Variants in DCLK1 observed in about 807,000 individuals in gnomAD.
The protein encoded by DCLK1 is doublecortin like kinase 1, also known as serine/threonine-protein kinase DCLK1.
A neutral mutation model predicts 86.2 loss-of-function variants in DCLK1; 16 were observed. That is an observed-to-expected ratio of 0.19 (90% CI 0.13 to 0.28). The LOEUF is 0.28. DCLK1 is among the 10% of genes least tolerant of loss of function. The pLI is 1.00. For synonymous variants in DCLK1, 369 were observed against 370.5 expected (o/e 1.00, Z 0.05); for missense variants, 590 against 940.2 (o/e 0.63, Z 4.87).
intron 4 of DCLK1, among the ~76,000 whole-genome samples, chr13:35,874,002 T>A (rs975787469): frequency 1.1e-4 from 17 of 152,230 alleles, no homozygotes; most frequent in African/African-American, 3.9e-4. Context: ...GTTGTTGAAA[T>A]ATGTTAGCTT....
At chr13:36,033,036 G>C (rs1248335899) in intron 3 of DCLK1, among the ~76,000 whole-genome samples, 1 of 152,202 alleles carries the variant, frequency 6.6e-6, no homozygotes, top group Non-Finnish European at 1.5e-5. Context: ...CAACAGGACT[G>C]ATATACAAAA....
chr13:35,944,629 G>T (rs918276654), intron 4 of DCLK1, among the ~76,000 whole-genome samples: 2 of 152,130 alleles, frequency 1.3e-5, no homozygotes, highest in Admixed American at 1.3e-4. Context: ...TTTTCTATTT[G>T]AGCCCCTTTC....
intron 3 of DCLK1, among the ~76,000 whole-genome samples, chr13:36,031,971 A>C (rs553152590): frequency 6.6e-6 from 1 of 152,294 alleles, no homozygotes; most frequent in African/African-American, 2.4e-5. Context: ...AAGAGAAAAA[A>C]GGGAAGGGGA....
intron 3 of DCLK1, among the ~76,000 whole-genome samples, chr13:36,026,150 T>C (rs957144359): frequency 9.8e-5 from 15 of 152,356 alleles, no homozygotes; most frequent in Non-Finnish European, 1.5e-4. Flanking sequence ...GTGAACCAGG[T>C]ATTTTGAGAG....
intron 14 of DCLK1, among the ~76,000 whole-genome samples, chr13:35,807,287 T>A (rs2087045927): frequency 6.6e-6 from 1 of 152,218 alleles, no homozygotes; most frequent in Non-Finnish European, 1.5e-5. Context: ...TCACTGACAT[T>A]CAGTGCATTC....
chr13:35,945,560 C>A (rs1877336583), intron 4 of DCLK1, among the ~76,000 whole-genome samples: 1 of 152,182 alleles, frequency 6.6e-6, no homozygotes, highest in Non-Finnish European at 1.5e-5. Context: ...TATATCAAAG[C>A]AACAAACAGA....
chr13:35,930,515 C>T (rs1055221797), intron 4 of DCLK1, among the ~76,000 whole-genome samples: 4 of 152,156 alleles, frequency 2.6e-5, no homozygotes, highest in East Asian at 1.9e-4. Flanking sequence ...GCAGAAGAAT[C>T]GTTTGAACCC....
At chr13:36,022,695 C>A (rs1395173697) in intron 3 of DCLK1, among the ~76,000 whole-genome samples, 1 of 151,996 alleles carries the variant, frequency 6.6e-6, no homozygotes, top group Non-Finnish European at 1.5e-5. Context: ...CTAAAATATA[C>A]AAACTACCAA....
chr13:36,099,216 C>T (rs997164299), intron 3 of DCLK1, among the ~76,000 whole-genome samples: 12 of 152,178 alleles, frequency 7.9e-5, no homozygotes, highest in African/African-American at 2.9e-4. Flanking sequence ...AATCAGCCTG[C>T]CTCGGCCTCC....
At chr13:35,831,604 A>C (rs2153106755) in intron 8 of DCLK1, among the ~76,000 whole-genome samples, 1 of 152,158 alleles carries the variant, frequency 6.6e-6, no homozygotes, top group East Asian at 1.9e-4. Flanking sequence ...TCTATGTTTG[A>C]GTGTACTCAG....
chr13:35,810,200 T>C (rs1430716869), intron 12 of DCLK1, among the ~76,000 whole-genome samples: 1 of 152,164 alleles, frequency 6.6e-6, no homozygotes. Flanking sequence ...TTTCAATTTA[T>C]TGAAGTGCAA....
chr13:35,970,655 G>C (rs1879019013), intron 3 of DCLK1, among the ~76,000 whole-genome samples: 1 of 152,142 alleles, frequency 6.6e-6, no homozygotes, highest in Non-Finnish European at 1.5e-5. Context: ...CATCCTGGGA[G>C]TGGAAACTGG....
chr13:35,817,795 T>C (rs2087304385), intron 11 of DCLK1, among the ~76,000 whole-genome samples: 1 of 152,170 alleles, frequency 6.6e-6, no homozygotes, highest in Admixed American at 6.5e-5. Context: ...AGCAGGCTTG[T>C]CATACTGAGA....
intron 16 of DCLK1, among the ~76,000 whole-genome samples, chr13:35,778,420 A>G (rs1266132348): frequency 6.6e-6 from 1 of 152,110 alleles, no homozygotes; most frequent in East Asian, 1.9e-4. Context: ...ATGGTTAACT[A>G]TACCTTAATT....
chr13:35,906,924 C>G (rs1874720277), intron 4 of DCLK1, among the ~76,000 whole-genome samples: 1 of 152,142 alleles, frequency 6.6e-6, no homozygotes, highest in African/African-American at 2.4e-5. Context: ...GGTAAGCACT[C>G]AGGACACAGC....
At chr13:35,926,734 C>G (rs1474099312) in intron 4 of DCLK1, among the ~76,000 whole-genome samples, 2 of 152,228 alleles carry the variant, frequency 1.3e-5, no homozygotes, top group East Asian at 3.9e-4. Flanking sequence ...CCTACATCAT[C>G]TCTTTTGATC....
At chr13:35,896,107 G>C (rs761499157) in intron 4 of DCLK1, among the ~76,000 whole-genome samples, 3 of 152,078 alleles carry the variant, frequency 2.0e-5, no homozygotes, top group Non-Finnish European at 4.4e-5. Context: ...CAAAAGGAAA[G>C]TAATATTTTG....
intron 10 of DCLK1, 148 bp from the exon 11 acceptor site, chr13:35,823,023 A>C (rs984826267): frequency 1.1e-6 from 1 of 914,330 alleles, no homozygotes; most frequent in Non-Finnish European, 1.6e-6. Context: ...TTTCCTTTCA[A>C]AGGCTCGAAG....
chr13:36,039,485 T>C (rs1409511222), intron 3 of DCLK1, among the ~76,000 whole-genome samples: 1 of 152,040 alleles, frequency 6.6e-6, no homozygotes, highest in East Asian at 1.9e-4. Flanking sequence ...ACATCGGTGA[T>C]TTTTTTTCAG....
Sources: allele counts gnomAD v4.1 joint callset (sites outside exome capture counted in the v4.1 genomes callset), GRCh38; gene constraint gnomAD v4.1.1; transcripts MANE v1.5; gene names NCBI Gene and HGNC (gene_info 2026-07-23, HGNC 2026-07-21).